BTC: variants seen among roughly 807,000 people sequenced by gnomAD.
BTC encodes probetacellulin.
BTC carries 13 observed loss-of-function variants against 18.1 expected under a neutral mutation model. That is an observed-to-expected ratio of 0.72 (90% CI 0.47 to 1.14). The LOEUF (loss-of-function observed/expected upper bound fraction) is 1.14, where lower values mean the gene tolerates loss of function less well. BTC is among the 50% of genes most tolerant of loss of function. The pLI is 0.00. For missense variants in BTC, 247 were observed against 224.2 expected, an observed-to-expected ratio of 1.10 and a Z score of -0.65; for synonymous variants, 83 against 79.4, an observed-to-expected ratio of 1.05 and a Z score of -0.24.
At chr4:74,775,342 G>A (rs191828329) in intron 1 of BTC, among the ~76,000 whole-genome samples, 362 of 152,158 alleles carry the variant, frequency 2.4e-3, no homozygotes, top group Non-Finnish European at 4.0e-3. Flanking sequence ...TTAAAGGAAC[G>A]TACATTATTA....
intron 1 of BTC, among the ~76,000 whole-genome samples, chr4:74,791,443 C>T (rs192545499): frequency 2.1e-3 from 315 of 152,298 alleles, no homozygotes; most frequent in Middle Eastern, 6.8e-3. Context: ...TTAAATGGCT[C>T]AGGATTTCTA....
In BTC at chr4:74,792,425, G is replaced by A. The variant is rs573997385; in HGVS notation, c.64+1837C>T. Among the ~76,000 whole-genome samples, 15 of 152,264 alleles carry A rather than the reference G, an allele frequency of 9.9e-5. 1 individual carries two copies. The highest frequency in any genetic ancestry group is 3.3e-4 in the Admixed American group (5 of 15,302). ...AACATCACCCTAATTTAGGCCCCAA[G>A]TAGCTCATGCCCAGATTATACCTAC... On this transcript the variant is annotated intron_variant, in intron 1 of 5. Transcript: ENST00000395743.
chr4:74,772,911 C>T (rs564221825), intron 1 of BTC, among the ~76,000 whole-genome samples: 2 of 152,322 alleles, frequency 1.3e-5, no homozygotes, highest in African/African-American at 4.8e-5. Context: ...CAAACATCCC[C>T]ACAGGCTGGG....
At chr4:74,760,825 C>T (rs1184486719) in intron 2 of BTC, among the ~76,000 whole-genome samples, 1 of 151,862 alleles carries the variant, frequency 6.6e-6, no homozygotes, top group East Asian at 1.9e-4. Context: ...AGCTCCGCCT[C>T]CCGGGTTCAC....
intron 2 of BTC, among the ~76,000 whole-genome samples, chr4:74,767,692 T>C (rs1177584398): frequency 6.6e-6 from 1 of 152,058 alleles, no homozygotes; most frequent in Non-Finnish European, 1.5e-5. Flanking sequence ...GGTACTGGCA[T>C]AAAGACCAAT....
chr4:74,771,498 C>T (rs1447924514), intron 1 of BTC, among the ~76,000 whole-genome samples: 1 of 152,162 alleles, frequency 6.6e-6, no homozygotes, highest in Non-Finnish European at 1.5e-5. Flanking sequence ...CCTCAAGTTG[C>T]CCCCAAGTTG....
chr4:74,745,514 G>T lies in BTC; in HGVS notation c.*1163C>A, dbSNP rs1157597522. 6.6e-6 allele frequency: 1 copy of T among 152,172 alleles called. No homozygotes were observed. The highest frequency in any genetic ancestry group is 1.5e-5 in the Non-Finnish European group (1 of 68,022). 9.4% of individuals were successfully genotyped at this position (152,172 alleles called of 1,614,324 possible). On this transcript the variant is annotated 3_prime_UTR_variant, in exon 6 of 6. Coordinates refer to ENST00000395743, the MANE Select transcript of BTC (RefSeq NM_001729.4). ...ATGAAATATTCACTAAATGTAGATTGTGCTTTTCCAGGTTTAAAGCAGTGT... is the reference window on the plus strand; with the variant it reads ...ATGAAATATTCACTAAATGTAGATTTTGCTTTTCCAGGTTTAAAGCAGTGT...
chr4:74,770,317 G>C (rs1479402663), intron 1 of BTC, among the ~76,000 whole-genome samples, 161 bp from the exon 2 acceptor site: 1 of 152,190 alleles, frequency 6.6e-6, no homozygotes, highest in Non-Finnish European at 1.5e-5. Flanking sequence ...AGGCCAGCAT[G>C]CTGCACATTT....
At chr4:74,787,660 A>C (rs1474644061) in intron 1 of BTC, among the ~76,000 whole-genome samples, 1 of 152,234 alleles carries the variant, frequency 6.6e-6, no homozygotes, top group Non-Finnish European at 1.5e-5. Context: ...ATCAATAAGC[A>C]TAAAAGCAGG....
intron 1 of BTC, among the ~76,000 whole-genome samples, chr4:74,777,806 A>G (rs1725216214): frequency 7.0e-6 from 1 of 142,094 alleles, no homozygotes; most frequent in Admixed American, 6.7e-5. Flanking sequence ...ACAAAGTCAG[A>G]TCATAGTAAT....
chr4:74,772,652 CA>C (rs1179856738), intron 1 of BTC, among the ~76,000 whole-genome samples: 4,181 of 91,108 alleles, frequency 0.046, 85 homozygotes, highest in South Asian at 0.21. Context: ...ATGGTGAGAA[CA>C]AAAAAAAAAA....
At chr4:74,783,137 C>A (rs1339753765) in intron 1 of BTC, among the ~76,000 whole-genome samples, 1 of 152,114 alleles carries the variant, frequency 6.6e-6, no homozygotes, top group Non-Finnish European at 1.5e-5. Context: ...GCTTTTGTTG[C>A]AATTGCTTTT....
chr4:74,777,013 T>G (rs989725457), intron 1 of BTC, among the ~76,000 whole-genome samples: 2 of 152,160 alleles, frequency 1.3e-5, no homozygotes, highest in South Asian at 2.1e-4. Flanking sequence ...TATCAACCTA[T>G]GAACATAAGC....
At chr4:74,753,438 A>C (rs1373781305) in intron 3 of BTC, among the ~76,000 whole-genome samples, 1 of 152,252 alleles carries the variant, frequency 6.6e-6, no homozygotes. Flanking sequence ...TCTTAACTGC[A>C]TAGTAAATGT....
At chr4:74,784,245 A>C (rs556663035) in intron 1 of BTC, among the ~76,000 whole-genome samples, 1 of 151,708 alleles carries the variant, frequency 6.6e-6, no homozygotes, top group Admixed American at 6.6e-5. Flanking sequence ...AAAAAAAAAA[A>C]AAAAGAAAAA....
rs955561811 is a variant in BTC, at chr4:74,745,031, T to C, written c.*1646A>G. The C allele has an allele frequency of 1.3e-5, 2 of 152,134 alleles. No homozygotes were observed. The highest frequency in any genetic ancestry group is 2.9e-5 in the Non-Finnish European group (2 of 68,020). The allele number at this position is 152,134 out of a possible 1,614,324, so 9.4% of individuals were successfully genotyped here. A position where few individuals can be genotyped will look rare whatever the true frequency, so the allele number is the denominator to read the frequency against. ...AGCATTGTTTTGTGTTTTTAAAAGCTCTAATGGATATTTATTCCAAGCTCC... is the reference window on the plus strand; with the variant it reads ...AGCATTGTTTTGTGTTTTTAAAAGCCCTAATGGATATTTATTCCAAGCTCC... On this transcript the variant is annotated 3_prime_UTR_variant, in exon 6 of 6. Transcript: ENST00000395743.
chr4:74,760,190 A>G (rs1340290656), intron 2 of BTC, among the ~76,000 whole-genome samples: 1 of 152,226 alleles, frequency 6.6e-6, no homozygotes, highest in African/African-American at 2.4e-5. Context: ...AATACCTATT[A>G]CAATGGTTAT....
intron 3 of BTC, among the ~76,000 whole-genome samples, chr4:74,754,976 C>T (rs1261505875): frequency 4.6e-5 from 7 of 152,006 alleles, no homozygotes; most frequent in African/African-American, 1.7e-4. Flanking sequence ...CTCACACACA[C>T]ACATTTCCTT....
chr4:74,761,388 T>C (rs1262687532), intron 2 of BTC, among the ~76,000 whole-genome samples: 1 of 152,182 alleles, frequency 6.6e-6, no homozygotes, highest in Non-Finnish European at 1.5e-5. Context: ...TCTCTTCTCC[T>C]TCCTGGGTAA....
Sources: allele counts gnomAD v4.1 joint callset (sites outside exome capture counted in the v4.1 genomes callset), GRCh38; gene constraint gnomAD v4.1.1; transcripts MANE v1.5; gene names NCBI Gene and HGNC (gene_info 2026-07-23, HGNC 2026-07-21).